The following SCN7A variants were observed in gnomAD, a reference collection of about 807,000 sequenced individuals.
SCN7A encodes the protein sodium channel protein type 7 subunit alpha.
SCN7A carries 138 observed loss-of-function variants against 155.2 expected under a neutral mutation model. The observed-to-expected ratio is 0.89, with a 90% CI of 0.77 to 1.02. The LOEUF is 1.02. SCN7A is among the 50% of genes least tolerant of loss of function. SCN7A has a pLI of 0.00. For missense variants in SCN7A, 2,058 were observed against 1,986.6 expected, an observed-to-expected ratio of 1.04 and a Z score of -0.68; for synonymous variants, 693 against 649.0, an observed-to-expected ratio of 1.07 and a Z score of -1.03.
At chr2:166,413,629 C>T (rs1480732798) in intron 21 of SCN7A, among the ~76,000 whole-genome samples, 1 of 151,944 alleles carries the variant, frequency 6.6e-6, no homozygotes, top group African/African-American at 2.4e-5. Flanking sequence ...AGTATTGATC[C>T]TGGGTGTGTC....
rs1344211507 is a variant in SCN7A at position 166,475,095 on chromosome 2, CAT to C, written c.235-753_235-752del. On this transcript the variant is annotated intron_variant, in intron 3 of 25. Coordinates refer to ENST00000643258, the MANE Select transcript of SCN7A (RefSeq NM_002976.4). ...TTATATTTGTGTATATATATATACA[CAT>C]ATATATGTATATATATATATATACA... Among the ~76,000 whole-genome samples the C allele has an allele frequency of 9.3e-4, 79 of 84,496 alleles. 1 individual carries two copies. The highest frequency in any genetic ancestry group is 3.0e-3 in the African/African-American group (72 of 24,206). The allele number at this position is 84,496 out of a possible 152,430, so 55.4% of individuals were successfully genotyped here. A position where few individuals can be genotyped will look rare whatever the true frequency, so the allele number is the denominator to read the frequency against.
At chr2:166,478,772 G>A (rs768348869) in intron 2 of SCN7A, among the ~76,000 whole-genome samples, 3 of 151,582 alleles carry the variant, frequency 2.0e-5, no homozygotes, top group African/African-American at 7.3e-5. Flanking sequence ...TATCTTTGGG[G>A]TACTCTAGTA....
intron 19 of SCN7A, among the ~76,000 whole-genome samples, chr2:166,422,757 G>C (rs1222346127): frequency 6.6e-6 from 1 of 152,142 alleles, no homozygotes; most frequent in African/African-American, 2.4e-5. Context: ...AGTGACATGA[G>C]CTGACTTCCA....
In SCN7A at chr2:166,423,257, A is replaced by G; in HGVS notation, c.3027+2T>C. On this transcript the variant is annotated splice_donor_variant, in intron 19 of 25. Coordinates refer to ENST00000643258, the MANE Select transcript of SCN7A (RefSeq NM_002976.4). LOFTEE classifies it high-confidence loss of function. ...GCCTTTCATTTTCTTTAAAATACGT[A>G]CAATAACAACCACGAAGTCCAGCCT... The G allele has an allele frequency of 6.3e-7, 1 of 1,599,544 alleles. No individual in the cohort carries two copies. Among genetic ancestry groups the G allele is most frequent in the Non-Finnish European group, 8.5e-7 (1 of 1,176,098 alleles).
intron 1 of SCN7A, among the ~76,000 whole-genome samples, chr2:166,492,556 C>A (rs143368636): frequency 5.3e-4 from 81 of 152,250 alleles, no homozygotes; most frequent in African/African-American, 1.8e-3. Flanking sequence ...ATATGCAAAG[C>A]TAGCCAAAGC....
intron 20 of SCN7A, among the ~76,000 whole-genome samples, chr2:166,420,010 T>A (rs1429973917): frequency 6.6e-6 from 1 of 152,050 alleles, no homozygotes; most frequent in Non-Finnish European, 1.5e-5. Context: ...TTTGTATGAA[T>A]TACAAGAATA....
At chr2:166,420,725 A>G (rs1455207343) in intron 20 of SCN7A, among the ~76,000 whole-genome samples, 1 of 152,048 alleles carries the variant, frequency 6.6e-6, no homozygotes, top group Non-Finnish European at 1.5e-5. Flanking sequence ...GTAAGAAATC[A>G]TCACTTGTGA....
At chr2:166,412,793 T>C (rs1337525895) in intron 22 of SCN7A, 126 bp from the exon 23 acceptor site, 4 of 1,346,774 alleles carry the variant, frequency 3.0e-6, no homozygotes, top group Non-Finnish European at 3.9e-6. Flanking sequence ...TGTTTTCTTT[T>C]TTGCTGTTTG....
At chr2:166,426,285 T>C (rs1460281464) in intron 18 of SCN7A, among the ~76,000 whole-genome samples, 1 of 152,044 alleles carries the variant, frequency 6.6e-6, no homozygotes, top group Non-Finnish European at 1.5e-5. Flanking sequence ...ATTTGAGCCA[T>C]GTGAAGATCC....
intron 2 of SCN7A, among the ~76,000 whole-genome samples, chr2:166,480,135 T>C (rs1356096469): frequency 6.6e-6 from 1 of 152,172 alleles, no homozygotes; most frequent in African/African-American, 2.4e-5. Context: ...AACCAAGTTT[T>C]CTCTTACATA....
intron 12 of SCN7A, among the ~76,000 whole-genome samples, chr2:166,447,253 A>T (rs997168506): frequency 6.6e-6 from 1 of 152,204 alleles, no homozygotes; most frequent in Non-Finnish European, 1.5e-5. Context: ...ATGCCTTTTG[A>T]TATTGTCCAT....
chr2:166,475,125 T>C (rs948866264), intron 3 of SCN7A, among the ~76,000 whole-genome samples: 11 of 131,308 alleles, frequency 8.4e-5, no homozygotes, highest in South Asian at 2.3e-4. Context: ...TATATACATA[T>C]ATATATATAT....
At chr2:166,437,329 AAAG>A (rs1462724374) in intron 15 of SCN7A, among the ~76,000 whole-genome samples, 6 of 152,212 alleles carry the variant, frequency 3.9e-5, no homozygotes, top group African/African-American at 1.4e-4. Flanking sequence ...CTGCTGGTGC[AAAG>A]AAGTCAAGAA....
intron 21 of SCN7A, among the ~76,000 whole-genome samples, chr2:166,415,277 A>C (rs1345400436): frequency 7.0e-6 from 1 of 141,850 alleles, no homozygotes; most frequent in Non-Finnish European, 1.5e-5. Context: ...CAGACTGGAG[A>C]GCAGTGGAAT....
chr2:166,481,319 T>A (rs181887099), intron 2 of SCN7A, among the ~76,000 whole-genome samples: 7 of 152,248 alleles, frequency 4.6e-5, no homozygotes, highest in Admixed American at 1.3e-4. Context: ...TGAGTAAAAA[T>A]ACCTAGTACA....
chr2:166,436,337 C>T (rs1294363575), intron 15 of SCN7A: 5 of 395,804 alleles, frequency 1.3e-5, no homozygotes, highest in Admixed American at 8.0e-5. Flanking sequence ...TTATAAGGGG[C>T]TTACCCCACC....
chr2:166,459,142 A>G (rs768663218), intron 10 of SCN7A, among the ~76,000 whole-genome samples: 3 of 152,276 alleles, frequency 2.0e-5, no homozygotes, highest in Non-Finnish European at 2.9e-5. Context: ...TTCAATATAC[A>G]GAAGACAAAT....
At chr2:166,444,731 A>C (rs747123714) in intron 13 of SCN7A, 31 bp downstream of exon 13, 17 of 1,248,556 alleles carry the variant, frequency 1.4e-5, no homozygotes, top group Non-Finnish European at 1.8e-5. Flanking sequence ...AAGAAACTGC[A>C]AATGAAAATA....
In SCN7A at chr2:166,409,720, A is replaced by AT; in HGVS notation, c.3926dup (p.Tyr1309Ter). The AT allele has an allele frequency of 6.5e-7, 1 of 1,545,854 alleles. No homozygotes were observed. The change falls in exon 25 of 26, where the codon TAT becomes TAAT. Residue 1309 changes from tyrosine (Y) to a stop codon, truncating the protein, a stop_gained and frameshift_variant. Transcript: ENST00000643258. LOFTEE classifies it high-confidence loss of function. ...ILKLIAFRCF[Y>*]FTIAWNIFDF... The stretch of plus-strand genomic sequence containing the variant: ...CAAAAATGTTCCACGCAATGGTGAA[A>AT]TAAAAACAACGGAAAGCGATGAGCT...
Sources: allele counts gnomAD v4.1 joint callset (sites outside exome capture counted in the v4.1 genomes callset), GRCh38; gene constraint gnomAD v4.1.1; transcripts MANE v1.5; gene names NCBI Gene and HGNC (gene_info 2026-07-23, HGNC 2026-07-21).